Variants in NFXL1 observed in about 807,000 individuals in gnomAD.
NFXL1 encodes the protein nuclear transcription factor, X-box binding like 1.
In NFXL1, 66 loss-of-function variants were observed where a neutral mutation model predicts 123.3. That is an observed-to-expected ratio of 0.54 (90% CI 0.44 to 0.66). The LOEUF (loss-of-function observed/expected upper bound fraction) is 0.66, where lower values mean the gene tolerates loss of function less well. Ranked by LOEUF, NFXL1 falls within the 30% of genes least tolerant of loss-of-function variation. NFXL1 has a pLI of 0.00. For synonymous variants in NFXL1, 346 were observed against 360.8 expected (o/e 0.96, Z 0.46); for missense variants, 944 against 1,125.6 (o/e 0.84, Z 2.31).
At position 47,887,666 on chromosome 4, in the gene NFXL1, T is replaced by TG. The variant is rs758362029; in HGVS notation, c.1544-1668_1544-1667insC. On this transcript the variant is annotated intron_variant, in intron 12 of 22. Transcript: ENST00000507489. ...ATTCGGCATATTATATCTGTTTCTA[T>TG]ACTTAACAATGACAATTTTTCATTC... Among the ~76,000 whole-genome samples, 111 of 152,340 alleles carry TG rather than the reference T, an allele frequency of 7.3e-4. 1 individual carries two copies. Among genetic ancestry groups the TG allele is most frequent in the Non-Finnish European group, 1.4e-3 (93 of 68,020 alleles).
intron 19 of NFXL1, among the ~76,000 whole-genome samples, chr4:47,860,379 T>G (rs1734698130): frequency 6.6e-6 from 1 of 152,252 alleles, no homozygotes; most frequent in Non-Finnish European, 1.5e-5. Flanking sequence ...TTTAAAGGTA[T>G]GTTCTTAACG....
chr4:47,908,116 T>C (rs1258022229), intron 3 of NFXL1, among the ~76,000 whole-genome samples: 1 of 152,232 alleles, frequency 6.6e-6, no homozygotes, highest in African/African-American at 2.4e-5. Context: ...AATACATCGA[T>C]CCTTCTGTCT....
At chr4:47,909,525 G>A (rs1450805644) in intron 3 of NFXL1, among the ~76,000 whole-genome samples, 1 of 152,002 alleles carries the variant, frequency 6.6e-6, no homozygotes, top group Non-Finnish European at 1.5e-5. Context: ...GGTTTTAACA[G>A]TATACTAAAG....
intron 4 of NFXL1, among the ~76,000 whole-genome samples, chr4:47,903,758 C>T (rs1012995809): frequency 7.9e-5 from 12 of 152,012 alleles, no homozygotes; most frequent in African/African-American, 1.2e-4. Context: ...AATAACACTA[C>T]AAAAGAATCT....
Position 47,905,268 on chromosome 4 carries a change from A to G in NFXL1, c.485T>C (p.Ile162Thr). The G allele has an allele frequency of 6.3e-7, 1 of 1,587,516 alleles. No homozygotes were observed. The highest frequency in any genetic ancestry group is 8.6e-7 in the Non-Finnish European group (1 of 1,158,230). ...GTTTCTCTTCACCGAAGCAATACAA[A>G]TTAGGCATGTCATAGCCCCTGCTTG... ...AFQAGAMTCLICIASVKRNQA... is the reference protein window; with the variant it reads ...AFQAGAMTCLTCIASVKRNQA... The change falls in exon 4 of 23, where the codon ATT becomes ACT. Residue 162 changes from isoleucine (I) to threonine (T), a missense_variant. Coordinates refer to ENST00000507489, the MANE Select transcript of NFXL1 (RefSeq NM_001278624.2).
chr4:47,895,434 C>T (rs1737028570), intron 10 of NFXL1, among the ~76,000 whole-genome samples: 1 of 152,184 alleles, frequency 6.6e-6, no homozygotes, highest in African/African-American at 2.4e-5. Context: ...AATATAGCCA[C>T]CTTCATCAAT....
intron 5 of NFXL1, among the ~76,000 whole-genome samples, chr4:47,902,667 A>C (rs773209692): frequency 6.6e-6 from 1 of 152,202 alleles, no homozygotes; most frequent in South Asian, 2.1e-4. Flanking sequence ...TGTTTTGCAC[A>C]GGAAAAATTA....
At chr4:47,892,293 A>G (rs1331951335) in intron 11 of NFXL1, among the ~76,000 whole-genome samples, 1 of 152,248 alleles carries the variant, frequency 6.6e-6, no homozygotes, top group Non-Finnish European at 1.5e-5. Context: ...GAGGAAGATC[A>G]TAAGCAGAAT....
intron 8 of NFXL1, among the ~76,000 whole-genome samples, chr4:47,898,413 A>G (rs2110098740): frequency 6.6e-6 from 1 of 152,244 alleles, no homozygotes; most frequent in South Asian, 2.1e-4. Flanking sequence ...CAACCTATAA[A>G]ATCAATCTTA....
chr4:47,870,065 C>G (rs545188077), intron 18 of NFXL1, among the ~76,000 whole-genome samples: 1 of 152,004 alleles, frequency 6.6e-6, no homozygotes, highest in Non-Finnish European at 1.5e-5. Flanking sequence ...AAAAACAACA[C>G]ACACACATCA....
At chr4:47,848,724 C>G (rs1021380224) in intron 22 of NFXL1, among the ~76,000 whole-genome samples, 2 of 151,878 alleles carry the variant, frequency 1.3e-5, no homozygotes, top group Non-Finnish European at 2.9e-5. Context: ...CCCATCTATA[C>G]TAAAAATACA....
Position 47,905,355 on chromosome 4 carries a change from T to A in NFXL1, c.407-9A>T, listed in dbSNP as rs776028363. The A allele has an allele frequency of 7.2e-7, 1 of 1,391,502 alleles. No homozygotes were observed. The highest frequency in any genetic ancestry group is 1.4e-5 in the African/African-American group (1 of 70,590). The allele number at this position is 1,391,502 out of a possible 1,614,324, so 86.2% of individuals were successfully genotyped here. A position where few individuals can be genotyped will look rare whatever the true frequency, so the allele number is the denominator to read the frequency against. On this transcript the variant is annotated splice_polypyrimidine_tract_variant and intron_variant, in intron 3 of 22. Coordinates refer to ENST00000507489, the MANE Select transcript of NFXL1 (RefSeq NM_001278624.2). ...TTCACGTGTATCTCCATCTGGAAAT[T>A]TAAAGATTGAAAATCTCACCCTAAA...
intron 3 of NFXL1, among the ~76,000 whole-genome samples, chr4:47,907,347 T>G (rs1483546518): frequency 1.3e-5 from 2 of 152,186 alleles, no homozygotes; most frequent in Admixed American, 1.3e-4. Context: ...CTGAGAAAAC[T>G]GTAGTGCTAT....
intron 13 of NFXL1, 32 bp from the exon 14 acceptor site, chr4:47,885,689 CT>C: frequency 6.3e-7 from 1 of 1,577,918 alleles, no homozygotes; most frequent in Non-Finnish European, 8.7e-7. Flanking sequence ...TCAAAAATTA[CT>C]TTTAGTCATT....
chr4:47,870,090 C>A, intron 18 of NFXL1, among the ~76,000 whole-genome samples: 1 of 152,092 alleles, frequency 6.6e-6, no homozygotes, highest in Admixed American at 6.5e-5. Flanking sequence ...CAGATGGTTT[C>A]ATAGAGGAAT....
intron 17 of NFXL1, 51 bp from the exon 18 acceptor site, chr4:47,875,344 TTTCC>T: frequency 7.4e-7 from 1 of 1,347,786 alleles, no homozygotes; most frequent in African/African-American, 1.5e-5. Flanking sequence ...AAGCCTAACA[TTTCC>T]ATATGTTACA....
rs1438871352 is a variant in NFXL1 at position 47,885,968 on chromosome 4, A to T, written c.1575T>A (p.Asp525Glu). 2.5e-6 allele frequency: 4 copies of T among 1,613,494 alleles called. No homozygotes were observed. In the African/African-American group the frequency reaches 4.0e-5, roughly 16 times the overall value. Residue 525 changes from aspartate (D) to glutamate (E), a missense_variant, in exon 13 of 23, where the codon GAT becomes GAA. Coordinates refer to ENST00000507489, the MANE Select transcript of NFXL1 (RefSeq NM_001278624.2). ...TTGTATTGCCACAATTACACTTCACATCTACGGTTTCTGGGCAGGGATAGC... is the reference window on the plus strand; with the variant it reads ...TTGTATTGCCACAATTACACTTCACTTCTACGGTTTCTGGGCAGGGATAGC... ...GSCYPCPETV[D>E]VKCNCGNTKV...
chr4:47,914,234 T>C, intron 1 of NFXL1, 29 bp from the exon 2 acceptor site: 1 of 1,300,228 alleles, frequency 7.7e-7, no homozygotes, highest in Non-Finnish European at 1.0e-6. Flanking sequence ...AAAAAAAGAG[T>C]GGAAGGAGGT....
chr4:47,878,390 AAAG>A (rs1349612356), intron 17 of NFXL1, 132 bp downstream of exon 17: 5 of 648,350 alleles, frequency 7.7e-6, no homozygotes, highest in Non-Finnish European at 1.3e-5. Context: ...TAGGAAAGGA[AAAG>A]AAGGAGAAGG....
Sources: allele counts gnomAD v4.1 joint callset (sites outside exome capture counted in the v4.1 genomes callset), GRCh38; gene constraint gnomAD v4.1.1; transcripts MANE v1.5; gene names NCBI Gene and HGNC (gene_info 2026-07-23, HGNC 2026-07-21).